The following COL21A1 variants were observed in gnomAD, a reference collection of about 807,000 sequenced individuals.
COL21A1 encodes the protein collagen alpha-1(XXI) chain.
COL21A1 carries 149 observed loss-of-function variants against 137.9 expected under a neutral mutation model. The observed-to-expected ratio is 1.08, with a 90% CI of 0.95 to 1.24. The LOEUF is 1.24. Among genes scored for constraint, COL21A1 ranks in the 50% most tolerant of loss-of-function variants. COL21A1 has a pLI of 0.00. For synonymous variants in COL21A1, 456 were observed against 391.5 expected (o/e 1.16, Z -1.95); for missense variants, 1,167 against 1,158.4 (o/e 1.01, Z -0.11).
chr6:56,185,871 A>G (rs1778258298), intron 1 of COL21A1, among the ~76,000 whole-genome samples: 1 of 152,114 alleles, frequency 6.6e-6, no homozygotes, highest in Admixed American at 6.5e-5. Flanking sequence ...TCTTCCAACA[A>G]TTTCTACAAA....
intron 1 of COL21A1, among the ~76,000 whole-genome samples, chr6:56,256,131 T>C (rs182938520): frequency 1.4e-4 from 22 of 152,280 alleles, no homozygotes; most frequent in Admixed American, 1.3e-3. Flanking sequence ...AACAAAGAAA[T>C]AAGGTTCTCT....
chr6:56,120,637 T>G (rs979234642), intron 16 of COL21A1, among the ~76,000 whole-genome samples: 2 of 151,840 alleles, frequency 1.3e-5, no homozygotes, highest in African/African-American at 4.8e-5. Context: ...CTACTAAAAA[T>G]ACAAAAATTA....
intron 3 of COL21A1, among the ~76,000 whole-genome samples, chr6:56,176,023 G>A (rs369967947): frequency 1.9e-4 from 29 of 152,042 alleles, no homozygotes; most frequent in African/African-American, 2.4e-4. Context: ...AAGACTGCCC[G>A]ACGGGGAAAG....
intron 1 of COL21A1, among the ~76,000 whole-genome samples, chr6:56,194,442 T>C (rs1000911798): frequency 5.9e-5 from 9 of 152,222 alleles, no homozygotes; most frequent in Non-Finnish European, 1.5e-5. Context: ...GCCCTAACCC[T>C]AATCCAGTAG....
chr6:56,255,390 A>T (rs1352261780), intron 1 of COL21A1, among the ~76,000 whole-genome samples: 22 of 145,072 alleles, frequency 1.5e-4, no homozygotes, highest in African/African-American at 5.7e-4. Flanking sequence ...GTTTGTATGG[A>T]TTTTGCCCCA....
chr6:56,258,733 AT>A (rs1763176624), intron 1 of COL21A1, among the ~76,000 whole-genome samples: 1 of 152,098 alleles, frequency 6.6e-6, no homozygotes, highest in Non-Finnish European at 1.5e-5. Context: ...CTCCAGAAAT[AT>A]TTTTATATTT....
At chr6:56,275,027 T>C (rs1188993095) in intron 1 of COL21A1, among the ~76,000 whole-genome samples, 2 of 151,916 alleles carry the variant, frequency 1.3e-5, no homozygotes, top group African/African-American at 4.8e-5. Context: ...CTTAGACAAA[T>C]GGAACAGAAT....
chr6:56,252,899 G>A (rs1170653423), intron 1 of COL21A1, among the ~76,000 whole-genome samples: 4 of 152,148 alleles, frequency 2.6e-5, no homozygotes. Flanking sequence ...ACGAATGACA[G>A]GGGCCACCTC....
chr6:56,352,075 C>A (rs1052562382), intron 1 of COL21A1, among the ~76,000 whole-genome samples: 7 of 152,086 alleles, frequency 4.6e-5, no homozygotes, highest in Admixed American at 1.3e-4. Flanking sequence ...TCAAGACAGC[C>A]TGGGAAACAT....
chr6:56,163,830 T>C (rs998917569), intron 9 of COL21A1, among the ~76,000 whole-genome samples: 6 of 152,190 alleles, frequency 3.9e-5, no homozygotes, highest in Non-Finnish European at 7.3e-5. Flanking sequence ...TATAAAAATG[T>C]ATATGTACAT....
At chr6:56,260,696 G>GT (rs1171498184) in intron 1 of COL21A1, among the ~76,000 whole-genome samples, 1 of 45,664 alleles carries the variant, frequency 2.2e-5, no homozygotes, top group Admixed American at 1.9e-4. Context: ...AGGAAGGCAG[G>GT]CAGGCAGGCA....
chr6:56,113,422 TCATTTCTAGACATTTCTGA>T (rs1771625904), intron 16 of COL21A1, among the ~76,000 whole-genome samples: 1 of 152,100 alleles, frequency 6.6e-6, no homozygotes, highest in Admixed American at 6.5e-5. Context: ...AGGCCTTAGC[TCATTTCTAGACATTTCTGA>T]CATTTCTAGA....
chr6:56,104,165 C>T (rs1770682590), intron 16 of COL21A1, among the ~76,000 whole-genome samples: 1 of 152,056 alleles, frequency 6.6e-6, no homozygotes, highest in East Asian at 1.9e-4. Context: ...TAATCACCTA[C>T]AATACTTAGA....
chr6:56,270,228 C>T (rs998702919), intron 1 of COL21A1, among the ~76,000 whole-genome samples: 1 of 152,164 alleles, frequency 6.6e-6, no homozygotes, highest in East Asian at 1.9e-4. Context: ...GAAAGATCTA[C>T]CCCGCAAATG....
intron 1 of COL21A1, among the ~76,000 whole-genome samples, chr6:56,317,539 C>T (rs1478160491): frequency 6.6e-6 from 1 of 152,088 alleles, no homozygotes; most frequent in Non-Finnish European, 1.5e-5. Context: ...TCTTCCAATA[C>T]CCCAGCCTCT....
chr6:56,179,490 A>T (rs953324858), intron 3 of COL21A1, 88 bp downstream of exon 3: 1 of 843,894 alleles, frequency 1.2e-6, no homozygotes, highest in Non-Finnish European at 1.8e-6. Context: ...AACAATTTAC[A>T]CCAGTGTTAA....
intron 1 of COL21A1, among the ~76,000 whole-genome samples, chr6:56,288,042 T>C (rs1763955338): frequency 6.6e-6 from 1 of 152,030 alleles, no homozygotes; most frequent in South Asian, 2.1e-4. Context: ...GACCCGTGAG[T>C]GAGTTCTAAT....
intron 1 of COL21A1, among the ~76,000 whole-genome samples, chr6:56,189,347 T>C (rs1778510064): frequency 6.6e-6 from 1 of 151,290 alleles, no homozygotes; most frequent in Non-Finnish European, 1.5e-5. Context: ...GCTGAATCAA[T>C]CAAGCAGAAG....
At chr6:56,203,909 G>A (rs369685128) in intron 1 of COL21A1, among the ~76,000 whole-genome samples, 3 of 152,236 alleles carry the variant, frequency 2.0e-5, no homozygotes, top group African/African-American at 7.2e-5. Context: ...ATGAAAGACT[G>A]TAATGGGAGG....
Sources: gnomAD v4.1 joint callset for allele counts (sites outside exome capture counted in the v4.1 genomes callset) on GRCh38, gnomAD v4.1.1 for gene constraint, MANE v1.5 for transcripts, NCBI Gene and HGNC (gene_info 2026-07-23, HGNC 2026-07-21) for gene names.